ZNF106: variants seen among roughly 807,000 people sequenced by gnomAD.
ZNF106 encodes SH3-domain binding protein 3.
Under a neutral mutation model 195.1 loss-of-function variants are expected in ZNF106, and 67 were observed. That is an observed-to-expected ratio of 0.34 (90% CI 0.28 to 0.42). ZNF106 has a LOEUF of 0.42. ZNF106 is among the 10% of genes least tolerant of loss of function. ZNF106 has a pLI of 1.00. For synonymous variants in ZNF106, 784 were observed against 818.6 expected (o/e 0.96, Z 0.72); for missense variants, 2,118 against 2,304.5 (o/e 0.92, Z 1.66).
In ZNF106 at chr15:42,439,265, C is replaced by T. The variant is rs762419282; in HGVS notation, c.4312G>A (p.Asp1438Asn). The T allele has an allele frequency of 6.2e-7, 1 of 1,614,164 alleles. No homozygotes were observed. Among genetic ancestry groups the T allele is most frequent in the South Asian group, 1.1e-5 (1 of 91,080 alleles). Residue 1438 changes from aspartate (D) to asparagine (N), a missense_variant, in exon 11 of 22, where the codon GAT (aspartate) becomes AAT (asparagine). Physicochemically the swap from Asp to Asn is conservative, Grantham distance 23. Coordinates refer to ENST00000564754, the MANE Select transcript of ZNF106 (RefSeq NM_001366845.3). Reference protein sequence around the residue: ...RTGREQESVRDEPDSDSSLEV... With the variant: ...RTGREQESVRNEPDSDSSLEV... Reference sequence around the variant, plus strand: ...AGAGACGAGTCACTATCTGGCTCATCTCTGACACTCTCCTGCTCCCGACCA... The same window carrying T: ...AGAGACGAGTCACTATCTGGCTCATTTCTGACACTCTCCTGCTCCCGACCA...
At chr15:42,476,409 C>A (rs2056785917) in intron 1 of ZNF106, among the ~76,000 whole-genome samples, 1 of 152,138 alleles carries the variant, frequency 6.6e-6, no homozygotes, top group South Asian at 2.1e-4. Context: ...GTGATCTCAA[C>A]CAAGGTGACT....
intron 1 of ZNF106, among the ~76,000 whole-genome samples, chr15:42,475,081 T>C (rs2056756522): frequency 6.6e-6 from 1 of 152,212 alleles, no homozygotes; most frequent in African/African-American, 2.4e-5. Flanking sequence ...GGTTCTCCAC[T>C]CCTGTGATTA....
intron 1 of ZNF106, among the ~76,000 whole-genome samples, chr15:42,487,816 C>T (rs1040413339): frequency 1.3e-5 from 2 of 152,148 alleles, no homozygotes; most frequent in African/African-American, 2.4e-5. Context: ...CCCCTAGCAA[C>T]CACCATTCTA....
In ZNF106 at chr15:42,451,860, C is replaced by G. The variant is rs778351641; in HGVS notation, c.412G>C (p.Glu138Gln). ...REDRIPYQDR[E>Q]SYSQPAWHHR... ...TGCCATGCAGGCTGACTGTAACTCT[C>G]TCTGTCTTGGTAAGGAATTCGGTCT... Residue 138 changes from glutamate to glutamine, a missense_variant, in exon 5 of 22, where the codon GAG becomes CAG. Glu to Gln is a conservative substitution (Grantham distance 29). Transcript: ENST00000564754. The G allele has an allele frequency of 6.2e-7, 1 of 1,614,210 alleles. No homozygotes were observed. The highest frequency in any genetic ancestry group is 8.5e-7 in the Non-Finnish European group (1 of 1,180,044).
In ZNF106 at chr15:42,457,614, T is replaced by C. The variant is rs573822255; in HGVS notation, c.117-456A>G. On this transcript the variant is annotated intron_variant, in intron 3 of 21. Transcript: ENST00000564754. The stretch of plus-strand genomic sequence containing the variant: ...GAAAGTTAAGGGGTGGAAACAAGAG[T>C]AGGTGGCGCAGCCAATCCCAAGTCG... 1.0e-4 allele frequency: 88 copies of C among 879,614 alleles called. No individual in the cohort carries two copies. The African/African-American group carries it at 1.4e-3, about 14-fold the overall frequency. The allele number at this position is 879,614 out of a possible 1,614,324, so 54.5% of individuals were successfully genotyped here.
At position 42,448,724 on chromosome 15, in the gene ZNF106, A is replaced by T. The variant is rs2055867287; in HGVS notation, c.2502-19T>A. 1 of 1,567,392 alleles carries T rather than the reference A, an allele frequency of 6.4e-7. No individual in the cohort carries two copies. The highest frequency in any genetic ancestry group is 8.6e-7 in the Non-Finnish European group (1 of 1,165,394). Reference sequence around the variant, plus strand: ...GCCAAACCTTAAGGAAGAAAGAAAAAATGAAAACATAAATTGGATATGGTT... The same window carrying T: ...GCCAAACCTTAAGGAAGAAAGAAAATATGAAAACATAAATTGGATATGGTT... On this transcript the variant is annotated intron_variant, in intron 5 of 21. Coordinates refer to ENST00000564754, the MANE Select transcript of ZNF106 (RefSeq NM_001366845.3).
chr15:42,444,975 G>A lies in ZNF106; in HGVS notation c.3212C>T (p.Ser1071Phe). ...AATATTCAGCAGCTGGTCAACCTGA[G>A]AACGTTCTGCCAAAAGAAATCATAA... ...RRKIKGKKER[S>F]QVDQLLNISL... is the part of the protein sequence containing the mutation. Residue 1071 changes from serine to phenylalanine, a missense_variant, in exon 8 of 22, where the codon TCT becomes TTT. Coordinates refer to ENST00000564754, the MANE Select transcript of ZNF106 (RefSeq NM_001366845.3). 1 of 1,614,040 alleles carries A rather than the reference G, an allele frequency of 6.2e-7. No individual in the cohort carries two copies. The highest frequency in any genetic ancestry group is 1.6e-4 in the Middle Eastern group (1 of 6,062).
chr15:42,454,491 A>G (rs2056160737), intron 4 of ZNF106, among the ~76,000 whole-genome samples: 1 of 152,164 alleles, frequency 6.6e-6, no homozygotes, highest in African/African-American at 2.4e-5. Flanking sequence ...GGCTAGATTC[A>G]GAAGATAGGA....
At chr15:42,476,436 GAAGT>G (rs1425446850) in intron 1 of ZNF106, among the ~76,000 whole-genome samples, 1 of 152,090 alleles carries the variant, frequency 6.6e-6, no homozygotes, top group East Asian at 1.9e-4. Context: ...TGACAAACTA[GAAGT>G]AAGTAAATAA....
chr15:42,425,108 C>A, intron 15 of ZNF106, 83 bp from the exon 16 acceptor site: 1 of 1,356,840 alleles, frequency 7.4e-7, no homozygotes, highest in Non-Finnish European at 1.0e-6. Context: ...GGTACAAACT[C>A]ATTTCTGTCA....
intron 3 of ZNF106, among the ~76,000 whole-genome samples, chr15:42,457,889 A>AT (rs1567022804): frequency 1.3e-5 from 2 of 152,228 alleles, no homozygotes; most frequent in Non-Finnish European, 2.9e-5. Context: ...TTTTAGTTAA[A>AT]CTAGGCAGAC....
intron 20 of ZNF106, 131 bp from the exon 21 acceptor site, chr15:42,418,082 G>A (rs117634322): frequency 2.9e-6 from 3 of 1,028,632 alleles, no homozygotes; most frequent in Non-Finnish European, 4.0e-6. Flanking sequence ...TTTATTCTTG[G>A]CTAGAAAAGA....
chr15:42,421,864 T>C, intron 19 of ZNF106, 53 bp downstream of exon 19: 2 of 1,456,466 alleles, frequency 1.4e-6, no homozygotes, highest in Non-Finnish European at 1.8e-6. Flanking sequence ...TGACAAGAAT[T>C]TTTTAGCAAA....
intron 14 of ZNF106, among the ~76,000 whole-genome samples, chr15:42,428,508 A>G (rs892473089): frequency 2.0e-5 from 3 of 152,214 alleles, no homozygotes; most frequent in Non-Finnish European, 2.9e-5. Flanking sequence ...TATATATTTG[A>G]TAAATGCACT....
intron 1 of ZNF106, among the ~76,000 whole-genome samples, chr15:42,472,622 C>T (rs560594419): frequency 5.3e-5 from 8 of 152,258 alleles, no homozygotes; most frequent in East Asian, 1.9e-4. Context: ...ACTACTGAAA[C>T]GACTCCTTCC....
At chr15:42,421,540 TAGC>T (rs1031130797) in intron 19 of ZNF106, among the ~76,000 whole-genome samples, 4 of 152,178 alleles carry the variant, frequency 2.6e-5, no homozygotes, top group Non-Finnish European at 4.4e-5. Context: ...AAACAAGGCT[TAGC>T]AGGGTTACGT....
Position 42,417,923 on chromosome 15 carries a change from A to T in ZNF106, c.5546T>A (p.Val1849Asp), listed in dbSNP as rs756381662. 5.0e-6 allele frequency: 8 copies of T among 1,613,738 alleles called. No individual in the cohort carries two copies. In the African/African-American group the frequency reaches 9.3e-5, roughly 19 times the overall value. ...WWHGCSLIFG[V>D]VDHLKQHLLT... ...CAAGTGTTGTTTTAAATGATCTACA[A>T]CGCCAAATATCAGAGAGCAACCATG... Residue 1849 changes from valine to aspartate, a missense_variant, in exon 21 of 22, where the codon GTT becomes GAT. Transcript: ENST00000564754.
intron 3 of ZNF106, among the ~76,000 whole-genome samples, chr15:42,458,210 A>G (rs1048875314): frequency 6.6e-6 from 1 of 151,988 alleles, no homozygotes; most frequent in Non-Finnish European, 1.5e-5. Flanking sequence ...TAAAAAAAAA[A>G]CCAACAACCC....
At position 42,466,056 on chromosome 15, in the gene ZNF106, C is replaced by G; in HGVS notation, c.113G>C (p.Gly38Ala). Residue 38 changes from glycine (G) to alanine (A), a missense_variant, in exon 3 of 22, where the codon GGC becomes GCC. Transcript: ENST00000564754. ...TGGAAGAGAGCCGTTCCCATACCTG[C>G]CCTTGAGGTTCTCAAGTTCCCTGTG... is the stretch of plus-strand genomic sequence containing the variant. ...LHHRELENLK[G>A]RDISHECRVC... The G allele has an allele frequency of 6.5e-7, 1 of 1,534,326 alleles. No homozygotes were observed. Among genetic ancestry groups the G allele is most frequent in the Non-Finnish European group, 8.7e-7 (1 of 1,146,100 alleles).
Sources: allele counts gnomAD v4.1 joint callset (sites outside exome capture counted in the v4.1 genomes callset), GRCh38; gene constraint gnomAD v4.1.1; transcripts MANE v1.5; gene names NCBI Gene and HGNC (gene_info 2026-07-23, HGNC 2026-07-21).